PHLPP1: variants seen among roughly 807,000 people sequenced by gnomAD.
PHLPP1 encodes PH domain and leucine rich repeat protein phosphatase 1, also known as PH domain leucine-rich repeat-containing protein phosphatase 1.
In PHLPP1, 42 loss-of-function variants were observed where a neutral mutation model predicts 117.2. That is an observed-to-expected ratio of 0.36 (90% CI 0.28 to 0.46). The LOEUF is 0.46. Ranked by LOEUF, PHLPP1 falls within the 20% of genes least tolerant of loss-of-function variation. The pLI, the probability that PHLPP1 is intolerant of heterozygous loss-of-function variation, is 1.00. For synonymous variants in PHLPP1, 1,042 were observed against 970.7 expected (o/e 1.07, Z -1.37); for missense variants, 2,084 against 2,241.9 (o/e 0.93, Z 1.42).
chr18:62,739,155 T>G (rs1002203693), intron 1 of PHLPP1, among the ~76,000 whole-genome samples: 1 of 152,252 alleles, frequency 6.6e-6, no homozygotes, highest in Non-Finnish European at 1.5e-5. Flanking sequence ...ATGAAAATGC[T>G]AGACAGATAG....
chr18:62,798,967 A>T (rs1913701494), intron 1 of PHLPP1, among the ~76,000 whole-genome samples: 1 of 152,234 alleles, frequency 6.6e-6, no homozygotes, highest in Non-Finnish European at 1.5e-5. Context: ...TAGTTTTAGC[A>T]ATTAGACTTA....
chr18:62,816,239 T>TA (rs1708338835), intron 1 of PHLPP1, among the ~76,000 whole-genome samples: 1 of 152,150 alleles, frequency 6.6e-6, no homozygotes, highest in Non-Finnish European at 1.5e-5. Flanking sequence ...AGAAAGGTTG[T>TA]ATTAATGTAC....
At chr18:62,787,302 G>A (rs553196972) in intron 1 of PHLPP1, among the ~76,000 whole-genome samples, 4 of 152,238 alleles carry the variant, frequency 2.6e-5, no homozygotes, top group African/African-American at 7.2e-5. Context: ...GAGTAGCTGG[G>A]ACTACAGGCA....
rs888767151 is a variant in PHLPP1 at position 62,927,642 on chromosome 18, T to A, written c.2960+7528T>A. On this transcript the variant is annotated intron_variant, in intron 10 of 16. Coordinates refer to ENST00000262719, the MANE Select transcript of PHLPP1 (RefSeq NM_194449.4). Reference sequence around the variant, plus strand: ...CACCCGAAAAATTAATAAGGGACATTAAAGAAACAAAGGAAAATGAAGAGG... The same window carrying A: ...CACCCGAAAAATTAATAAGGGACATAAAAGAAACAAAGGAAAATGAAGAGG... 2.4e-4 allele frequency among the ~76,000 whole-genome samples: 36 copies of A among 151,514 alleles called. 1 individual carries two copies. The highest frequency in any genetic ancestry group is 8.7e-4 in the African/African-American group (36 of 41,280).
At chr18:62,830,671 G>A (rs1288258390) in intron 2 of PHLPP1, among the ~76,000 whole-genome samples, 1 of 152,092 alleles carries the variant, frequency 6.6e-6, no homozygotes, top group South Asian at 2.1e-4. Context: ...GGGTGTTGTC[G>A]GTTGGTGGAG....
At chr18:62,934,585 C>A (rs1010182133) in intron 10 of PHLPP1, among the ~76,000 whole-genome samples, 1 of 152,106 alleles carries the variant, frequency 6.6e-6, no homozygotes, top group Non-Finnish European at 1.5e-5. Context: ...AAGGGATATA[C>A]GGTTTGAAAA....
intron 7 of PHLPP1, 151 bp from the exon 8 acceptor site, chr18:62,905,073 C>A: frequency 7.1e-6 from 3 of 422,988 alleles, no homozygotes; most frequent in African/African-American, 4.1e-5. Context: ...ACTTTTCCTG[C>A]ACTTTCAAAG....
At chr18:62,836,261 CTGTCTT>C (rs1360431208) in intron 2 of PHLPP1, among the ~76,000 whole-genome samples, 1 of 151,008 alleles carries the variant, frequency 6.6e-6, no homozygotes, top group Non-Finnish European at 1.5e-5. Context: ...TGGTGAAACC[CTGTCTT>C]TACTAAAAAT....
intron 10 of PHLPP1, among the ~76,000 whole-genome samples, chr18:62,933,376 G>A (rs2144442646): frequency 6.6e-6 from 1 of 152,064 alleles, no homozygotes; most frequent in Non-Finnish European, 1.5e-5. Context: ...TGCAAACACT[G>A]TAGGTAATGA....
At chr18:62,852,592 C>G (rs1915386446) in intron 3 of PHLPP1, among the ~76,000 whole-genome samples, 1 of 152,186 alleles carries the variant, frequency 6.6e-6, no homozygotes, top group East Asian at 1.9e-4. Context: ...ATCCGCCCGC[C>G]TCGGCCTTCC....
chr18:62,725,822 A>G (rs953248825), intron 1 of PHLPP1, among the ~76,000 whole-genome samples: 1 of 152,204 alleles, frequency 6.6e-6, no homozygotes, highest in Non-Finnish European at 1.5e-5. Flanking sequence ...GAGTTAGCCT[A>G]CTAAGTCAAT....
chr18:62,919,644 A>G (rs955849440), intron 9 of PHLPP1, among the ~76,000 whole-genome samples: 1 of 152,162 alleles, frequency 6.6e-6, no homozygotes, highest in African/African-American at 2.4e-5. Flanking sequence ...TACAAGCCCT[A>G]CTCTGGAGAA....
chr18:62,974,361 T>C (rs926034989), intron 15 of PHLPP1, among the ~76,000 whole-genome samples: 3 of 152,196 alleles, frequency 2.0e-5, no homozygotes, highest in Non-Finnish European at 4.4e-5. Flanking sequence ...AACTGGTCTT[T>C]GTGCGGGATT....
At chr18:62,728,292 CAA>C (rs11374202) in intron 1 of PHLPP1, among the ~76,000 whole-genome samples, 5 of 133,508 alleles carry the variant, frequency 3.7e-5, no homozygotes, top group East Asian at 2.2e-4. Context: ...GAGACTGACT[CAA>C]AAAAAAAAAA....
At chr18:62,721,437 T>G (rs1014447202) in intron 1 of PHLPP1, among the ~76,000 whole-genome samples, 1 of 151,878 alleles carries the variant, frequency 6.6e-6, no homozygotes, top group African/African-American at 2.4e-5. Context: ...TGGGTGTGTG[T>G]GTGTGTGTGT....
chr18:62,921,087 TTAAG>T (rs1345595106), intron 10 of PHLPP1, among the ~76,000 whole-genome samples: 2 of 152,216 alleles, frequency 1.3e-5, no homozygotes, highest in Admixed American at 6.5e-5. Context: ...AAAGAAAGCT[TTAAG>T]TAACAGTGGC....
intron 1 of PHLPP1, among the ~76,000 whole-genome samples, chr18:62,731,799 C>A (rs931659646): frequency 1.3e-5 from 2 of 152,184 alleles, no homozygotes; most frequent in African/African-American, 4.8e-5. Context: ...GCAAAACAAC[C>A]TTATTGCTGA....
intron 4 of PHLPP1, among the ~76,000 whole-genome samples, chr18:62,876,967 A>G (rs1377477785): frequency 2.6e-5 from 4 of 152,224 alleles, no homozygotes; most frequent in Non-Finnish European, 4.4e-5. Flanking sequence ...CATGCGAGAA[A>G]GAGGGAAAGA....
At chr18:62,895,582 A>G (rs1183313954) in intron 5 of PHLPP1, among the ~76,000 whole-genome samples, 199 bp from the exon 6 acceptor site, 3 of 152,182 alleles carry the variant, frequency 2.0e-5, no homozygotes, top group African/African-American at 7.2e-5. Flanking sequence ...CATGATTTTC[A>G]TTTTCAATAA....
Sources: allele counts gnomAD v4.1 joint callset (sites outside exome capture counted in the v4.1 genomes callset), GRCh38; gene constraint gnomAD v4.1.1; transcripts MANE v1.5; gene names NCBI Gene and HGNC (gene_info 2026-07-23, HGNC 2026-07-21).